The following CPEB3 variants were observed in gnomAD, a reference collection of about 807,000 sequenced individuals.
The protein encoded by CPEB3 is cytoplasmic polyadenylation element-binding protein 3.
Under a neutral mutation model 67.2 loss-of-function variants are expected in CPEB3, and 20 were observed. The ratio of observed to expected loss-of-function variants is 0.30; its 90% confidence interval spans 0.21 to 0.43. The LOEUF is 0.43. Ranked by LOEUF, CPEB3 falls within the 20% of genes least tolerant of loss-of-function variation. The pLI is 1.00. For missense variants in CPEB3, 746 were observed against 968.6 expected, an observed-to-expected ratio of 0.77 and a Z score of 3.05; for synonymous variants, 376 against 393.1, an observed-to-expected ratio of 0.96 and a Z score of 0.51.
At position 92,081,233 on chromosome 10, in the gene CPEB3, T is replaced by C. The variant is rs974986940; in HGVS notation, c.1869+87A>G. The C allele has an allele frequency of 5.7e-6, 8 of 1,412,672 alleles. No homozygotes were observed. In the African/African-American group the frequency reaches 9.9e-5, roughly 17 times the overall value. The allele number at this position is 1,412,672 out of a possible 1,614,324, so 87.5% of individuals were successfully genotyped here. A position where few individuals can be genotyped will look rare whatever the true frequency, so the allele number is the denominator to read the frequency against. ...CATGCAAGGTAGAGCTGGTCACTTA[T>C]GATCATAAGGTGCCTTTCTTCCCAG... is the stretch of plus-strand genomic sequence containing the variant. On this transcript the variant is annotated intron_variant, in intron 9 of 9. Transcript: ENST00000265997.
intron 8 of CPEB3, among the ~76,000 whole-genome samples, chr10:92,090,572 G>T (rs1269579974): frequency 6.6e-6 from 1 of 152,162 alleles, no homozygotes; most frequent in Admixed American, 6.5e-5. Flanking sequence ...AAACTAATTT[G>T]TGCTTGCAGT....
chr10:92,273,934 C>A (rs1841857741), intron 1 of CPEB3, among the ~76,000 whole-genome samples: 1 of 152,190 alleles, frequency 6.6e-6, no homozygotes, highest in Non-Finnish European at 1.5e-5. Flanking sequence ...GCAGCAACTT[C>A]TTTTCCCTTC....
At chr10:92,238,262 C>T (rs186369072) in intron 2 of CPEB3, among the ~76,000 whole-genome samples, 1 of 152,296 alleles carries the variant, frequency 6.6e-6, no homozygotes, top group African/African-American at 2.4e-5. Context: ...GAGCAAAAGC[C>T]GCCTGTGAAC....
intron 7 of CPEB3, among the ~76,000 whole-genome samples, chr10:92,100,654 C>T (rs1172458260): frequency 2.6e-5 from 4 of 152,102 alleles, no homozygotes; most frequent in Non-Finnish European, 4.4e-5. Flanking sequence ...TGCAGTGGCA[C>T]GATCTCGGCT....
intron 7 of CPEB3, among the ~76,000 whole-genome samples, chr10:92,103,660 G>C (rs1184531756): frequency 6.6e-6 from 1 of 152,180 alleles, no homozygotes; most frequent in Admixed American, 6.5e-5. Flanking sequence ...CTTTATGCCT[G>C]TTTGCAATGC....
chr10:92,241,159 T>C (rs1195883490), intron 1 of CPEB3, among the ~76,000 whole-genome samples: 1 of 152,194 alleles, frequency 6.6e-6, no homozygotes, highest in Non-Finnish European at 1.5e-5. Context: ...ATTCCCCAAT[T>C]TTCTTGTCTC....
At chr10:92,066,338 TGCACTTGAGCCCAGGA>T (rs1194483192) in intron 9 of CPEB3, among the ~76,000 whole-genome samples, 1 of 151,620 alleles carries the variant, frequency 6.6e-6, no homozygotes, top group Non-Finnish European at 1.5e-5. Context: ...GGGAGGCTGA[TGCACTTGAGCCCAGGA>T]GTTCAAGTCT....
At chr10:92,070,778 AAAC>A (rs1191146191) in intron 9 of CPEB3, among the ~76,000 whole-genome samples, 1 of 152,012 alleles carries the variant, frequency 6.6e-6, no homozygotes, top group Admixed American at 6.6e-5. Flanking sequence ...TTCCATCTCA[AAAC>A]AACAAGAGCA....
intron 9 of CPEB3, among the ~76,000 whole-genome samples, chr10:92,065,040 C>G (rs1842492320): frequency 6.6e-6 from 1 of 152,146 alleles, no homozygotes; most frequent in Non-Finnish European, 1.5e-5. Context: ...CATAAGCAAG[C>G]TGTTGATACA....
At chr10:92,167,976 T>C (rs1847824058) in intron 4 of CPEB3, among the ~76,000 whole-genome samples, 3 of 152,002 alleles carry the variant, frequency 2.0e-5, no homozygotes, top group South Asian at 2.1e-4. Context: ...ATAACAGATA[T>C]AGTAATAACA....
rs1292332003 is a variant in CPEB3, at chr10:92,214,629, T to A, written c.1006-21993A>T. Among the ~76,000 whole-genome samples the A allele has an allele frequency of 3.9e-5, 6 of 152,092 alleles. No homozygotes were observed. In the East Asian group the frequency reaches 1.2e-3, roughly 29 times the overall value. On this transcript the variant is annotated intron_variant, in intron 2 of 9. Transcript: ENST00000265997. ...CCCCAAGTAGCTGGGATTACAGGCA[T>A]GCACCACGACATCTGGCTAATTTTT... is the stretch of plus-strand genomic sequence containing the variant.
At chr10:92,250,570 C>T (rs1205366636) in intron 1 of CPEB3, among the ~76,000 whole-genome samples, 1 of 152,164 alleles carries the variant, frequency 6.6e-6, no homozygotes, top group Non-Finnish European at 1.5e-5. Context: ...TACGCCTTCA[C>T]ATTCATTTAC....
intron 9 of CPEB3, among the ~76,000 whole-genome samples, chr10:92,059,329 A>AAAAAAAAAAAAAAC (rs1195613594): frequency 4.0e-5 from 6 of 150,736 alleles, no homozygotes; most frequent in Non-Finnish European, 7.4e-5. Context: ...CTCTGTCAAA[A>AAAAAAAAAAAAAAC]AAAAAACAAA....
At chr10:92,147,034 A>G (rs12258269) in intron 4 of CPEB3, among the ~76,000 whole-genome samples, 9,787 of 152,160 alleles carry the variant, frequency 0.064, 949 homozygotes, top group African/African-American at 0.21. Flanking sequence ...TACCTTCAAC[A>G]CTAGTAACAT....
intron 4 of CPEB3, among the ~76,000 whole-genome samples, chr10:92,179,733 T>G (rs1425941662): frequency 6.6e-6 from 1 of 152,190 alleles, no homozygotes; most frequent in Admixed American, 6.5e-5. Flanking sequence ...AAAATATGCA[T>G]GGAGAGGCTT....
chr10:92,065,224 TA>T (rs1427606312), intron 9 of CPEB3, among the ~76,000 whole-genome samples: 1 of 152,202 alleles, frequency 6.6e-6, no homozygotes, highest in Non-Finnish European at 1.5e-5. Context: ...TTTTAATTTT[TA>T]ATTTTACTTT....
At chr10:92,269,615 T>C (rs1442958408) in intron 1 of CPEB3, among the ~76,000 whole-genome samples, 1 of 152,124 alleles carries the variant, frequency 6.6e-6, no homozygotes, top group Non-Finnish European at 1.5e-5. Context: ...TGGAGTGCAA[T>C]GGCGCAATCT....
At chr10:92,092,897 A>C (rs562069047) in intron 7 of CPEB3, among the ~76,000 whole-genome samples, 5 of 152,334 alleles carry the variant, frequency 3.3e-5, no homozygotes, top group Admixed American at 2.6e-4. Flanking sequence ...GCAGAAAAAG[A>C]AATCTTTATG....
chr10:92,289,928 TG>T (rs768085428), intron 1 of CPEB3, among the ~76,000 whole-genome samples: 28 of 57,264 alleles, frequency 4.9e-4, no homozygotes, highest in Non-Finnish European at 6.2e-4. Flanking sequence ...ATGTGTGTGG[TG>T]GGGGGGGGTG....
Sources: gnomAD v4.1 joint callset for allele counts (sites outside exome capture counted in the v4.1 genomes callset) on GRCh38, gnomAD v4.1.1 for gene constraint, MANE v1.5 for transcripts, NCBI Gene and HGNC (gene_info 2026-07-23, HGNC 2026-07-21) for gene names.